Variants in PLCB1 observed in about 807,000 individuals in gnomAD.
PLCB1 encodes 1-phosphatidylinositol 4,5-bisphosphate phosphodiesterase beta-1.
A neutral mutation model predicts 161.8 loss-of-function variants in PLCB1; 46 were observed. That is an observed-to-expected ratio of 0.28 (90% CI 0.22 to 0.36). The LOEUF is 0.36. Among genes scored for constraint, PLCB1 ranks in the 10% least tolerant of loss-of-function variants. PLCB1 has a pLI of 1.00. For synonymous variants in PLCB1, 517 were observed against 503.7 expected (o/e 1.03, Z -0.35); for missense variants, 1,016 against 1,472.5 (o/e 0.69, Z 5.07).
intron 1 of PLCB1, among the ~76,000 whole-genome samples, chr20:8,145,199 G>A (rs1449862567): frequency 6.6e-6 from 1 of 152,110 alleles, no homozygotes; most frequent in Non-Finnish European, 1.5e-5. Context: ...TGTGTGCCAG[G>A]CCTCTCGTCT....
In PLCB1 at chr20:8,684,968, G is replaced by A; in HGVS notation, c.899G>A (p.Ser300Asn). 4 of 1,613,886 alleles carry A rather than the reference G, an allele frequency of 2.5e-6. No individual in the cohort carries two copies. Among genetic ancestry groups the A allele is most frequent in the Non-Finnish European group, 3.4e-6 (4 of 1,179,852 alleles). The change falls in exon 10 of 32, where the codon AGT (serine) becomes AAT (asparagine). Residue 300 changes from serine to asparagine, a missense_variant. By Grantham distance (46) the Ser-to-Asn change is conservative. This residue lies in a region of PLCB1 where 117 missense variants were observed against 142.2 expected (regional missense o/e 0.82). Coordinates refer to ENST00000338037, the MANE Select transcript of PLCB1 (RefSeq NM_015192.4). ...ISVDGFMRYL[S>N]GEENGVVSPE... is the part of the protein sequence containing the mutation. ...GTGGATGGGTTCATGCGCTATCTGA[G>A]TGGAGAAGAAAACGGAGTCGTTTCA...
At chr20:8,519,453 A>G (rs550859369) in intron 3 of PLCB1, among the ~76,000 whole-genome samples, 1 of 152,294 alleles carries the variant, frequency 6.6e-6, no homozygotes, top group African/African-American at 2.4e-5. Context: ...GGTACAAAAT[A>G]CAAAACGAAA....
intron 4 of PLCB1, among the ~76,000 whole-genome samples, chr20:8,643,858 T>G (rs1248189343): frequency 2.0e-5 from 3 of 150,880 alleles, no homozygotes; most frequent in East Asian, 2.0e-4. Context: ...AAAGCTGGAC[T>G]GTACTGCCGC....
At chr20:8,531,943 A>C (rs999546352) in intron 3 of PLCB1, among the ~76,000 whole-genome samples, 4 of 151,712 alleles carry the variant, frequency 2.6e-5, no homozygotes, top group African/African-American at 9.7e-5. Context: ...TAGAAATGGA[A>C]ATTTATGTAT....
chr20:8,706,931 A>T (rs920593501), intron 11 of PLCB1, among the ~76,000 whole-genome samples: 2 of 152,210 alleles, frequency 1.3e-5, no homozygotes, highest in African/African-American at 4.8e-5. Context: ...AGAGGCATTA[A>T]GTGATTTTCC....
At chr20:8,700,325 C>T (rs1990670241) in intron 11 of PLCB1, among the ~76,000 whole-genome samples, 1 of 152,256 alleles carries the variant, frequency 6.6e-6, no homozygotes, top group Non-Finnish European at 1.5e-5. Context: ...TCCAAGTTCT[C>T]TGAGTTCCTT....
chr20:8,192,913 TACCATCCAG>T (rs1292574578), intron 2 of PLCB1, among the ~76,000 whole-genome samples: 4 of 152,028 alleles, frequency 2.6e-5, no homozygotes, highest in Admixed American at 6.6e-5. Context: ...GAGTGGTCTC[TACCATCCAG>T]TTAGTAGAAC....
At chr20:8,861,279 T>C (rs1402639048) in intron 31 of PLCB1, among the ~76,000 whole-genome samples, 8 of 152,262 alleles carry the variant, frequency 5.3e-5, no homozygotes, top group African/African-American at 1.9e-4. Flanking sequence ...GTATTAATGA[T>C]ATGTGATCAA....
intron 31 of PLCB1, among the ~76,000 whole-genome samples, chr20:8,860,536 G>A (rs2327118): frequency 0.28 from 43,119 of 152,004 alleles, 7,407 homozygotes; most frequent in East Asian, 0.65. Flanking sequence ...GTTTTATACT[G>A]TTCAAGACTC....
intron 3 of PLCB1, among the ~76,000 whole-genome samples, chr20:8,417,534 G>A (rs1042873265): frequency 2.6e-5 from 4 of 151,720 alleles, no homozygotes; most frequent in South Asian, 2.1e-4. Flanking sequence ...TGCATTGGTC[G>A]AGTGCCTTGT....
chr20:8,439,216 A>C (rs1470474089), intron 3 of PLCB1, among the ~76,000 whole-genome samples: 1 of 152,220 alleles, frequency 6.6e-6, no homozygotes, highest in Non-Finnish European at 1.5e-5. Context: ...TTCCATCCAC[A>C]GCATTCAGGG....
intron 3 of PLCB1, among the ~76,000 whole-genome samples, chr20:8,509,607 C>A (rs1983784808): frequency 6.6e-6 from 1 of 151,744 alleles, no homozygotes. Flanking sequence ...ACTATGGCAC[C>A]CTCTAGAAAA....
At chr20:8,198,103 A>C (rs2123120565) in intron 2 of PLCB1, among the ~76,000 whole-genome samples, 1 of 152,272 alleles carries the variant, frequency 6.6e-6, no homozygotes, top group African/African-American at 2.4e-5. Context: ...TGATGCCTCC[A>C]GCTTTGTTCT....
At chr20:8,504,821 G>C (rs946169320) in intron 3 of PLCB1, among the ~76,000 whole-genome samples, 4 of 152,160 alleles carry the variant, frequency 2.6e-5, no homozygotes. Flanking sequence ...TTAATAAATG[G>C]ACAGTCGTGC....
At chr20:8,276,988 T>TATC (rs1982606076) in intron 2 of PLCB1, among the ~76,000 whole-genome samples, 2 of 104,578 alleles carry the variant, frequency 1.9e-5, no homozygotes, top group Admixed American at 9.1e-5. Context: ...TTCTTCTTCT[T>TATC]ATTATTATTA....
intron 3 of PLCB1, among the ~76,000 whole-genome samples, chr20:8,391,814 T>TACACACACAC (rs1987609413): frequency 7.3e-6 from 1 of 136,436 alleles, no homozygotes; most frequent in Non-Finnish European, 1.5e-5. Flanking sequence ...TATATATATA[T>TACACACACAC]ATATATATAT....
intron 3 of PLCB1, among the ~76,000 whole-genome samples, chr20:8,410,573 C>G (rs1295602713): frequency 1.3e-5 from 2 of 152,054 alleles, no homozygotes; most frequent in African/African-American, 2.4e-5. Context: ...AGTCCTGATG[C>G]ATGAACCACA....
chr20:8,832,200 G>C (rs1348409617), intron 31 of PLCB1, among the ~76,000 whole-genome samples: 1 of 152,072 alleles, frequency 6.6e-6, no homozygotes, highest in Non-Finnish European at 1.5e-5. Flanking sequence ...TCAGAGACTT[G>C]AGTGGTTCCA....
At chr20:8,323,307 G>A (rs903125660) in intron 2 of PLCB1, among the ~76,000 whole-genome samples, 2 of 152,126 alleles carry the variant, frequency 1.3e-5, no homozygotes, top group African/African-American at 4.8e-5. Flanking sequence ...AAACTTAGTG[G>A]TATAAAACAA....
Sources: gnomAD v4.1 joint callset for allele counts (sites outside exome capture counted in the v4.1 genomes callset) on GRCh38, gnomAD v4.1.1 for gene constraint, gnomAD v4.1.1 regional missense constraint, MANE v1.5 for transcripts, NCBI Gene and HGNC (gene_info 2026-07-23, HGNC 2026-07-21) for gene names.